TJP2: variants seen among roughly 807,000 people sequenced by gnomAD.
TJP2 encodes the protein tight junction protein 2.
A neutral mutation model predicts 133.1 loss-of-function variants in TJP2; 91 were observed. The ratio of observed to expected loss-of-function variants is 0.68; its 90% CI spans 0.58 to 0.81. The LOEUF (loss-of-function observed/expected upper bound fraction) is 0.81. TJP2 is among the 40% of genes least tolerant of loss of function. The probability of loss-of-function intolerance (pLI) is 0.00; values close to 1 mark genes in which losing one functional copy is unlikely to be tolerated. For synonymous variants in TJP2, 592 were observed against 583.4 expected, an observed-to-expected ratio of 1.01 and a Z score of -0.21; for missense variants, 1,541 against 1,565.6, an observed-to-expected ratio of 0.98 and a Z score of 0.26.
chr9:69,174,242 C>T, upstream of TJP2: 7 of 1,509,474 alleles, frequency 4.6e-6, no homozygotes, highest in Non-Finnish European at 6.2e-6. Context: ...GGTGGGTCCC[C>T]GCGGGTCGGC....
At chr9:69,140,716 C>T (rs556512959) in intron 1 of TJP2, among the ~76,000 whole-genome samples, 1 of 152,338 alleles carries the variant, frequency 6.6e-6, no homozygotes, top group South Asian at 2.1e-4. Flanking sequence ...CCTCATCGCT[C>T]ATGTGCTCCC....
At chr9:69,171,820 G>A (rs1483550914), upstream of TJP2, among the ~76,000 whole-genome samples, 2 of 107,566 alleles carry the variant, frequency 1.9e-5, no homozygotes, top group African/African-American at 3.7e-5. Flanking sequence ...TTTTTGAGAC[G>A]GAATCTCGCT....
chr9:69,254,811 T>C lies in TJP2; in HGVS notation c.*437T>C. The stretch of plus-strand genomic sequence containing the variant: ...TCAAACTAAATTCAAAGAAGTACTT[T>C]ATTGCAACTCTTTTAAGTGCCTTGG... On this transcript the variant is annotated 3_prime_UTR_variant, in exon 23 of 23. Transcript: ENST00000377245. 2.1e-6 allele frequency: 1 copy of C among 471,710 alleles called. No individual in the cohort carries two copies. The allele number at this position is 471,710 out of a possible 1,614,324, so 29.2% of individuals were successfully genotyped here.
intron 1 of TJP2, among the ~76,000 whole-genome samples, chr9:69,195,674 T>C (rs917576307): frequency 6.6e-6 from 1 of 152,214 alleles, no homozygotes; most frequent in Non-Finnish European, 1.5e-5. Context: ...TGATGATGTG[T>C]TTCAGGCCCC....
intron 9 of TJP2, among the ~76,000 whole-genome samples, chr9:69,228,908 T>C (rs1829553112): frequency 6.6e-6 from 1 of 152,192 alleles, no homozygotes; most frequent in African/African-American, 2.4e-5. Context: ...ACAGTATCAT[T>C]ATTGTATGTT....
At chr9:69,137,752 G>A (rs1355122558) in intron 1 of TJP2, among the ~76,000 whole-genome samples, 1 of 151,894 alleles carries the variant, frequency 6.6e-6, no homozygotes, top group Non-Finnish European at 1.5e-5. Flanking sequence ...CTTTCTGTGG[G>A]TCCCCAGATC....
chr9:69,198,186 G>A (rs1826730857), intron 1 of TJP2, among the ~76,000 whole-genome samples: 1 of 122,310 alleles, frequency 8.2e-6, no homozygotes, highest in Non-Finnish European at 1.6e-5. Flanking sequence ...CTGTCACCCA[G>A]GCTGGAGTGC....
chr9:69,188,871 A>G (rs1458044582), intron 1 of TJP2, among the ~76,000 whole-genome samples: 2 of 152,178 alleles, frequency 1.3e-5, no homozygotes, highest in Non-Finnish European at 2.9e-5. Context: ...CTCAAAAACT[A>G]TCATTAATAT....
chr9:69,248,693 T>C (rs1368136261), intron 19 of TJP2: 1 of 1,008,080 alleles, frequency 9.9e-7, no homozygotes, highest in Non-Finnish European at 1.2e-6. Flanking sequence ...ATTTCAGTTT[T>C]TTAATTGAGT....
chr9:69,185,068 T>TTC (rs1247125029), intron 1 of TJP2, among the ~76,000 whole-genome samples: 6 of 150,214 alleles, frequency 4.0e-5, no homozygotes, highest in African/African-American at 1.2e-4. Context: ...GATTTCTTTT[T>TTC]TTTTTTTTTT....
rs183137520 is a variant in TJP2, at chr9:69,199,979, C to T, written c.61-12569C>T. On this transcript the variant is annotated intron_variant, in intron 1 of 22. Coordinates refer to ENST00000377245, the MANE Select transcript of TJP2 (RefSeq NM_004817.4). ...TATATTTAGTACTGGGTGTGGTGCC[C>T]TGCCAAATGTTAATGACTTCCTTCC... 1.9e-3 allele frequency among the ~76,000 whole-genome samples: 288 copies of T among 152,232 alleles called. 2 individuals carry two copies. Among genetic ancestry groups the T allele is most frequent in the Non-Finnish European group, 1.5e-3 (100 of 68,024 alleles).
At chr9:69,174,267 G>A, upstream of TJP2, 1 of 1,529,418 alleles carries the variant, frequency 6.5e-7, no homozygotes, top group Non-Finnish European at 8.8e-7. Flanking sequence ...CGGCGGTTGG[G>A]CTGCGGGTCA....
chr9:69,233,048 G>C (rs1588124096), intron 11 of TJP2, among the ~76,000 whole-genome samples: 1 of 152,172 alleles, frequency 6.6e-6, no homozygotes, highest in Admixed American at 6.6e-5. Context: ...GCTATATGTA[G>C]ATACAGATGT....
Position 69,216,414 on chromosome 9 carries a change from A to C in TJP2, c.190A>C (p.Ile64Leu). The change falls in exon 3 of 23, where the codon ATT (isoleucine) becomes CTT (leucine). Residue 64 changes from isoleucine to leucine, a missense_variant. Ile to Leu is a conservative substitution (Grantham distance 5). Coordinates refer to ENST00000377245, the MANE Select transcript of TJP2 (RefSeq NM_004817.4). The part of the protein sequence containing the change: ...NPHFENGETS[I>L]VISDVLPGGP... Reference sequence around the variant, plus strand: ...CCACTTTGAAAATGGAGAAACGTCAATTGTCATTTCTGATGTGCTCCCGGG... The same window carrying C: ...CCACTTTGAAAATGGAGAAACGTCACTTGTCATTTCTGATGTGCTCCCGGG... 6.2e-7 allele frequency: 1 copy of C among 1,614,174 alleles called. No homozygotes were observed. The highest frequency in any genetic ancestry group is 8.5e-7 in the Non-Finnish European group (1 of 1,180,026).
intron 1 of TJP2, among the ~76,000 whole-genome samples, chr9:69,149,203 A>G (rs1188098094): frequency 1.3e-5 from 2 of 152,270 alleles, no homozygotes; most frequent in South Asian, 2.1e-4. Context: ...AGAGAAAGTT[A>G]AAGCCAGGAT....
chr9:69,159,958 G>C (rs1338320471), intron 2 of TJP2, among the ~76,000 whole-genome samples: 1 of 148,720 alleles, frequency 6.7e-6, no homozygotes, highest in Non-Finnish European at 1.5e-5. Context: ...TATATATATA[G>C]CAATAAAGAG....
At chr9:69,213,195 C>G (rs1828072604) in intron 2 of TJP2, among the ~76,000 whole-genome samples, 2 of 151,520 alleles carry the variant, frequency 1.3e-5, no homozygotes, top group South Asian at 4.2e-4. Context: ...TCCCAAGTAG[C>G]TGGGATTACA....
chr9:69,221,362 C>G lies in TJP2; in HGVS notation c.818C>G (p.Ala273Gly). The G allele has an allele frequency of 2.5e-6, 4 of 1,584,680 alleles. No homozygotes were observed. The highest frequency in any genetic ancestry group is 3.4e-6 in the Non-Finnish European group (4 of 1,166,100). Reference sequence around the variant, plus strand: ...TACAGCCCGGAGTACAGGCGCGGGGCCCGCCACGATGCCCGCTCTCGGGGA... The same window carrying G: ...TACAGCCCGGAGTACAGGCGCGGGGGCCGCCACGATGCCCGCTCTCGGGGA... ...RAYSPEYRRG[A>G]RHDARSRGPR... The change falls in exon 5 of 23, where the codon GCC (alanine) becomes GGC (glycine). Residue 273 changes from alanine to glycine, a missense_variant. Physicochemically the swap from Ala to Gly is moderately conservative, Grantham distance 60. Coordinates refer to ENST00000377245, the MANE Select transcript of TJP2 (RefSeq NM_004817.4).
At chr9:69,132,917 C>T (rs57848371) in intron 1 of TJP2, among the ~76,000 whole-genome samples, 1 of 152,124 alleles carries the variant, frequency 6.6e-6, no homozygotes, top group Admixed American at 6.5e-5. Flanking sequence ...TACTTAGTCA[C>T]CTGGTGCCTA....
Sources: allele counts gnomAD v4.1 joint callset (sites outside exome capture counted in the v4.1 genomes callset), GRCh38; gene constraint gnomAD v4.1.1; transcripts MANE v1.5; gene names NCBI Gene and HGNC (gene_info 2026-07-23, HGNC 2026-07-21).